Variants in CAPN15 observed in about 807,000 individuals in gnomAD.
CAPN15 encodes calpain-15.
In CAPN15, 53 loss-of-function variants were observed where a neutral mutation model predicts 97.9. The ratio of observed to expected loss-of-function variants is 0.54; its 90% CI spans 0.43 to 0.68. CAPN15 has a LOEUF of 0.68. Ranked by LOEUF, CAPN15 falls within the 30% of genes least tolerant of loss-of-function variation. CAPN15 has a pLI of 0.00. For synonymous variants in CAPN15, 922 were observed against 722.5 expected, an observed-to-expected ratio of 1.28 and a Z score of -4.43; for missense variants, 1,592 against 1,589.8, an observed-to-expected ratio of 1.00 and a Z score of -0.02.
chr16:528,248 G>C (rs1596311246), intron 1 of CAPN15, among the ~76,000 whole-genome samples: 1 of 152,054 alleles, frequency 6.6e-6, no homozygotes, highest in Non-Finnish European at 1.5e-5. Flanking sequence ...GGCCAGGGCT[G>C]GGCGATGCTT....
rs1225023386 is a variant in CAPN15 at position 536,043 on chromosome 16, T to G, written c.-122T>G. On this transcript the variant is annotated 5_prime_UTR_variant, in exon 3 of 14. The change abolishes an upstream ATG in the 5' untranslated region. Transcript: ENST00000219611. ...CGGTTATTCAGACAGGGAGCCAGGA[T>G]GGGAACCACGGACTGACCTGACCTG... The G allele has an allele frequency of 8.7e-6, 3 of 343,402 alleles. No individual in the cohort carries two copies. Among genetic ancestry groups the G allele is most frequent in the Non-Finnish European group, 1.1e-5 (3 of 271,852 alleles). 21.3% of individuals were successfully genotyped at this position (343,402 alleles called of 1,614,324 possible).
At chr16:544,793 G>T in intron 3 of CAPN15, among the ~76,000 whole-genome samples, 1 of 70,474 alleles carries the variant, frequency 1.4e-5, no homozygotes, top group East Asian at 4.9e-4. Context: ...CCCCCACGTC[G>T]TCGTCTCCCC....
chr16:530,803 G>C (rs967120590), intron 1 of CAPN15, among the ~76,000 whole-genome samples: 2 of 152,342 alleles, frequency 1.3e-5, no homozygotes, highest in South Asian at 4.1e-4. Flanking sequence ...GATGAGCTGC[G>C]TCAGGCTGTT....
At position 552,129 on chromosome 16, in the gene CAPN15, G is replaced by A. The variant is rs767261319; in HGVS notation, c.2424G>A (p.Ser808=). Residue 808 remains serine (S), a synonymous_variant, in exon 10 of 14, where the codon TCG becomes TCA. Transcript: ENST00000219611. The surrounding 1 kb of genome is among the most constrained non-coding windows in gnomAD (Gnocchi z 6.4). ...GGGTGCAGGGCTGCTTTCCCAGCTC[G>A]GCCAGCGCGCCCGTGGGGGTAACAG... ...EARVQGCFPS[S]ASAPVGVTAL... is the part of the protein sequence containing the mutation. 56 of 1,548,166 alleles carry A rather than the reference G, an allele frequency of 3.6e-5. No individual in the cohort carries two copies. Among genetic ancestry groups the A allele is most frequent in the Admixed American group, 2.6e-4 (13 of 50,916 alleles).
At chr16:551,794 G>A in intron 9 of CAPN15, 130 bp downstream of exon 9, 1 of 1,237,026 alleles carries the variant, frequency 8.1e-7, no homozygotes, top group South Asian at 1.3e-5. Flanking sequence ...AATGGGACCT[G>A]GAGCTTCAGC....
chr16:549,962 T>G, intron 7 of CAPN15, 124 bp downstream of exon 7: 1 of 763,124 alleles, frequency 1.3e-6, no homozygotes, highest in Non-Finnish European at 2.1e-6. Flanking sequence ...TGGCGTGGGC[T>G]GACCCCGCGT....
intron 1 of CAPN15, among the ~76,000 whole-genome samples, chr16:531,105 C>T (rs1380583695): frequency 6.6e-6 from 1 of 152,292 alleles, no homozygotes; most frequent in Non-Finnish European, 1.5e-5. Flanking sequence ...AGCGTCTGCT[C>T]CTCTGTGGAA....
In CAPN15 at chr16:552,946, C is replaced by T. The variant is rs2035206994; in HGVS notation, c.2988C>T (p.Ala996=). ...TGGTGGAGAACCGACACCCCAAGGC[C>T]TACCTGCACGTGCAGTGTGACTGCA... is the stretch of plus-strand genomic sequence containing the variant. The part of the protein sequence containing the change: ...IVVVENRHPK[A]YLHVQCDCTD... Residue 996 remains alanine, a synonymous_variant, in exon 13 of 14, where the codon GCC becomes GCT. Transcript: ENST00000219611. The surrounding 1 kb of genome is among the most constrained non-coding windows in gnomAD (Gnocchi z 6.4). The T allele has an allele frequency of 2.5e-6, 4 of 1,612,050 alleles. No homozygotes were observed. The highest frequency in any genetic ancestry group is 3.4e-6 in the Non-Finnish European group (4 of 1,179,544).
At chr16:550,105 G>A (rs577523826) in intron 7 of CAPN15, among the ~76,000 whole-genome samples, 125 of 131,756 alleles carry the variant, frequency 9.5e-4, no homozygotes, top group Non-Finnish European at 1.6e-3. Flanking sequence ...AGGTGTGAGC[G>A]GCGTGTCGAG....
intron 3 of CAPN15, among the ~76,000 whole-genome samples, chr16:536,455 C>G (rs1324809750): frequency 5.3e-5 from 8 of 150,676 alleles, no homozygotes; most frequent in Non-Finnish European, 1.0e-4. Context: ...CGGAGTCTCG[C>G]TCTGTCGCCC....
chr16:537,067 C>T, intron 3 of CAPN15: 1 of 900,544 alleles, frequency 1.1e-6, no homozygotes, highest in Non-Finnish European at 1.3e-6. Context: ...CTGGAAAAAC[C>T]CCGGAGAGGG....
intron 3 of CAPN15, among the ~76,000 whole-genome samples, chr16:544,874 T>TCACGTCGTCGTCTCCCC (rs2034474824): frequency 3.3e-5 from 1 of 30,366 alleles, no homozygotes; most frequent in Non-Finnish European, 5.6e-5. Context: ...TCGCCTCCCC[T>TCACGTCGTCGTCTCCCC]CACGTCGTCG....
chr16:533,543 C>T lies in CAPN15; in HGVS notation c.-189-403C>T, dbSNP rs865964117. On this transcript the variant is annotated intron_variant, in intron 1 of 13. Transcript: ENST00000219611. ...CCTGGCAGTGCCTGGGAAGCTCGGC[C>T]GCCCTCCCTGGCTGGTGCTGCTCTG... Among the ~76,000 whole-genome samples, 10 of 152,306 alleles carry T rather than the reference C, an allele frequency of 6.6e-5. No homozygotes were observed. The Middle Eastern group carries it at 0.01, about 158-fold the overall frequency.
At chr16:546,284 G>A (rs532927974) in intron 3 of CAPN15, among the ~76,000 whole-genome samples, 7 of 152,210 alleles carry the variant, frequency 4.6e-5, no homozygotes, top group South Asian at 2.1e-4. Flanking sequence ...ACAAGATTCA[G>A]GCCATATTTA....
Position 541,241 on chromosome 16 carries a change from C to T in CAPN15, c.-23+5099C>T, listed in dbSNP as rs549996765. On this transcript the variant is annotated intron_variant, in intron 3 of 13. Transcript: ENST00000219611. ...GGAACCAGCCTCCAGGTGGCATCCA[C>T]GCTGAGGCCTGAGCTCCGGCCGACA... 8.5e-5 allele frequency among the ~76,000 whole-genome samples: 13 copies of T among 152,380 alleles called. No individual in the cohort carries two copies. The South Asian group carries it at 1.7e-3, about 19-fold the overall frequency.
At position 553,757 on chromosome 16, in the gene CAPN15, T is replaced by C; in HGVS notation, c.*241T>C. 1 of 398,936 alleles carries C rather than the reference T, an allele frequency of 2.5e-6. No individual in the cohort carries two copies. Among genetic ancestry groups the C allele is most frequent in the Non-Finnish European group, 4.5e-6 (1 of 222,268 alleles). The allele number at this position is 398,936 out of a possible 1,614,324, so 24.7% of individuals were successfully genotyped here. On this transcript the variant is annotated 3_prime_UTR_variant, in exon 14 of 14. Coordinates refer to ENST00000219611, the MANE Select transcript of CAPN15 (RefSeq NM_005632.3). ...GCAGAATACCTCGAACCAGGCGGGC[T>C]GTGAACCAGCCCCGCTCACCTGCCA...
At position 547,527 on chromosome 16, in the gene CAPN15, C is replaced by T. The variant is rs550193168; in HGVS notation, c.689C>T (p.Pro230Leu). 320 of 1,598,058 alleles carry T rather than the reference C, an allele frequency of 2.0e-4. 2 individuals are homozygous for T. The South Asian group carries it at 2.6e-3, about 13-fold the overall frequency. ...PAAEPEPPRVPPFSPFSSTLQ... is the reference protein window; with the variant it reads ...PAAEPEPPRVLPFSPFSSTLQ... ...GCCGAACCAGAGCCGCCCAGGGTCC[C>T]GCCCTTCAGCCCCTTCTCGTCCACC... The change falls in exon 4 of 14, where the codon CCG (proline) becomes CTG (leucine). Residue 230 changes from proline (P) to leucine (L), a missense_variant. Coordinates refer to ENST00000219611, the MANE Select transcript of CAPN15 (RefSeq NM_005632.3).
rs1209835694 is a variant in CAPN15 at position 554,011 on chromosome 16, T to TG, written c.*496dup. ...GCAGGCGGGGTCCCTGGAGCCCTGG[T>TG]GTGGAGCGGCGAGTCCCGGGGCGGT... is the stretch of plus-strand genomic sequence containing the variant. On this transcript the variant is annotated 3_prime_UTR_variant, in exon 14 of 14. Coordinates refer to ENST00000219611, the MANE Select transcript of CAPN15 (RefSeq NM_005632.3). 5.1e-5 allele frequency: 9 copies of TG among 176,974 alleles called. No homozygotes were observed. The highest frequency in any genetic ancestry group is 2.1e-4 in the African/African-American group (9 of 41,968). The allele number at this position is 176,974 out of a possible 1,614,324, so 11.0% of individuals were successfully genotyped here.
At chr16:536,567 C>T (rs867620443) in intron 3 of CAPN15, among the ~76,000 whole-genome samples, 13 of 152,172 alleles carry the variant, frequency 8.5e-5, no homozygotes, top group Admixed American at 2.0e-4. Flanking sequence ...GGATTACAGG[C>T]GCCCGCCACC....
Sources: gnomAD v4.1 joint callset for allele counts (sites outside exome capture counted in the v4.1 genomes callset) on GRCh38, gnomAD v4.1.1 for gene constraint, Gnocchi (gnomAD v3.1) non-coding constraint, MANE v1.5 for transcripts, NCBI Gene and HGNC (gene_info 2026-07-23, HGNC 2026-07-21) for gene names.